Variants in GDPD1 observed in about 807,000 individuals in gnomAD.
GDPD1 encodes glycerophosphodiester phosphodiesterase domain containing 1.
GDPD1 carries 28 observed loss-of-function variants against 45.1 expected under a neutral mutation model. The observed-to-expected ratio is 0.62, with a 90% confidence interval of 0.46 to 0.85. The LOEUF is 0.85. GDPD1 is among the 40% of genes least tolerant of loss of function. The pLI is 0.00. For missense variants in GDPD1, 256 were observed against 364.8 expected (o/e 0.70, Z 2.43); for synonymous variants, 139 against 131.4 (o/e 1.06, Z -0.40).
intron 1 of GDPD1, among the ~76,000 whole-genome samples, chr17:59,225,090 C>CTTTTTTTTTTTTTTTTT (rs796851725): frequency 8.8e-6 from 1 of 113,678 alleles, no homozygotes; most frequent in African/African-American, 3.5e-5. Context: ...TCTTTCTTTT[C>CTTTTTTTTTTTTTTTTT]TTTTTTTTTT....
intron 6 of GDPD1, among the ~76,000 whole-genome samples, chr17:59,261,463 A>G (rs2047354712): frequency 6.6e-6 from 1 of 151,868 alleles, no homozygotes; most frequent in Non-Finnish European, 1.5e-5. Flanking sequence ...AAACCTATAA[A>G]TGATTTTTTT....
chr17:59,229,152 A>G, intron 1 of GDPD1, among the ~76,000 whole-genome samples: 1 of 146,020 alleles, frequency 6.8e-6, no homozygotes, highest in East Asian at 2.0e-4. Context: ...TATTATTATT[A>G]TTATTATTAT....
intron 8 of GDPD1, among the ~76,000 whole-genome samples, chr17:59,271,345 A>G (rs1568352814): frequency 6.6e-6 from 1 of 152,286 alleles, no homozygotes; most frequent in South Asian, 2.1e-4. Context: ...GCAACACAGT[A>G]TATATAAAAG....
At chr17:59,270,678 A>ATATT (rs1026094491) in intron 7 of GDPD1, among the ~76,000 whole-genome samples, 13 of 152,098 alleles carry the variant, frequency 8.5e-5, no homozygotes, top group Non-Finnish European at 1.6e-4. Context: ...TGGAAAGACA[A>ATATT]TATTTATTTA....
chr17:59,264,132 G>A (rs577444585), intron 6 of GDPD1, among the ~76,000 whole-genome samples: 29 of 152,138 alleles, frequency 1.9e-4, no homozygotes, highest in African/African-American at 7.0e-4. Flanking sequence ...CTGAGTAGCT[G>A]GGATTACAGG....
intron 4 of GDPD1, 166 bp downstream of exon 4, chr17:59,248,951 GA>G (rs1300559204): frequency 4.0e-6 from 2 of 494,218 alleles, no homozygotes; most frequent in African/African-American, 2.0e-5. Context: ...CAGGTCCAAA[GA>G]GTTAAGTGAT....
Position 59,246,566 on chromosome 17 carries a change from G to A in GDPD1, c.321+1017G>A, listed in dbSNP as rs183274533. Among the ~76,000 whole-genome samples the A allele has an allele frequency of 2.5e-3, 380 of 151,128 alleles. 3 individuals are homozygous for A. Among genetic ancestry groups the A allele is most frequent in the Non-Finnish European group, 3.6e-3 (246 of 67,674 alleles). On this transcript the variant is annotated intron_variant, in intron 3 of 9. Transcript: ENST00000284116. ...TCTACTAAAAATAGAAAAATTAGCC[G>A]GGCATGTTGGCATGCGCCTGTAATC... is the stretch of plus-strand genomic sequence containing the variant.
chr17:59,245,309 A>C (rs1854738213), intron 2 of GDPD1, 105 bp from the exon 3 acceptor site: 6 of 753,728 alleles, frequency 8.0e-6, no homozygotes, highest in South Asian at 5.3e-5. Context: ...GAGATATTTT[A>C]GTATTATGGG....
chr17:59,234,050 T>C (rs531904112), intron 1 of GDPD1, among the ~76,000 whole-genome samples: 2 of 152,218 alleles, frequency 1.3e-5, no homozygotes, highest in Admixed American at 6.5e-5. Flanking sequence ...CCAAGCATTT[T>C]GGATAAGGGA....
rs749077536 is a variant in GDPD1 at position 59,246,709 on chromosome 17, CAAA to C, written c.321+1181_321+1183del. ...GGTTGAAAAGAGCGAGACTCCATCT[CAAA>C]AAAAAAAAAAAAAAAAAAAAGAAAC... On this transcript the variant is annotated intron_variant, in intron 3 of 9. Coordinates refer to ENST00000284116, the MANE Select transcript of GDPD1 (RefSeq NM_182569.4). Among the ~76,000 whole-genome samples, 242 of 27,502 alleles carry C rather than the reference CAAA, an allele frequency of 8.8e-3. 1 individual carries two copies. Among genetic ancestry groups the C allele is most frequent in the African/African-American group, 0.036 (228 of 6,282 alleles). The allele number at this position is 27,502 out of a possible 152,430, so 18.0% of individuals were successfully genotyped here.
At chr17:59,264,188 C>T (rs1237814951) in intron 6 of GDPD1, among the ~76,000 whole-genome samples, 1 of 151,454 alleles carries the variant, frequency 6.6e-6, no homozygotes, top group Non-Finnish European at 1.5e-5. Context: ...TTAGTAGAGA[C>T]CGGGTTTCTC....
In GDPD1 at chr17:59,275,702, C is replaced by G. The variant is rs2047475693; in HGVS notation, c.*1929C>G. The G allele has an allele frequency of 6.5e-6, 1 of 152,822 alleles. No homozygotes were observed. The allele number at this position is 152,822 out of a possible 1,614,324, so 9.5% of individuals were successfully genotyped here. On this transcript the variant is annotated 3_prime_UTR_variant, in exon 10 of 10. Transcript: ENST00000284116. ...GAGTATTAAGTAGAAACAGAATTTT[C>G]CAAAGCATTAGACATCACTTTCTCA...
chr17:59,265,996 A>T (rs1173793498), intron 6 of GDPD1, among the ~76,000 whole-genome samples: 4 of 150,952 alleles, frequency 2.6e-5, no homozygotes, highest in Admixed American at 6.6e-5. Context: ...GAATATACTT[A>T]AAACCACCAA....
At chr17:59,254,576 T>G (rs1322543472) in intron 4 of GDPD1, among the ~76,000 whole-genome samples, 2 of 152,094 alleles carry the variant, frequency 1.3e-5, no homozygotes, top group Admixed American at 1.3e-4. Flanking sequence ...TAAACATAAT[T>G]TTTAGAGTTT....
In GDPD1 at chr17:59,273,920, A is replaced by C; in HGVS notation, c.*147A>C. On this transcript the variant is annotated 3_prime_UTR_variant, in exon 10 of 10. Coordinates refer to ENST00000284116, the MANE Select transcript of GDPD1 (RefSeq NM_182569.4). ...TTTTTAAGCCTGTATGAGAATGTAG[A>C]AACTATATATTATATGTATATTTAT... 1 of 930,764 alleles carries C rather than the reference A, an allele frequency of 1.1e-6. No homozygotes were observed. The highest frequency in any genetic ancestry group is 1.3e-6 in the Non-Finnish European group (1 of 743,464). 57.7% of individuals were successfully genotyped at this position (930,764 alleles called of 1,614,324 possible). A position where few individuals can be genotyped will look rare whatever the true frequency, so the allele number is the denominator to read the frequency against.
At chr17:59,235,633 G>A (rs1357733185) in intron 2 of GDPD1, among the ~76,000 whole-genome samples, 17 of 151,896 alleles carry the variant, frequency 1.1e-4, no homozygotes, top group African/African-American at 3.4e-4. Context: ...CCTGGCCAAC[G>A]TGGTGAAACC....
chr17:59,264,075 C>T (rs12952252), intron 6 of GDPD1, among the ~76,000 whole-genome samples: 13,877 of 152,066 alleles, frequency 0.091, 847 homozygotes, highest in South Asian at 0.24. Context: ...CTTGGCTCAC[C>T]GCAACCTCCG....
chr17:59,251,409 C>G (rs567244021), intron 4 of GDPD1, among the ~76,000 whole-genome samples: 7 of 152,058 alleles, frequency 4.6e-5, no homozygotes, highest in Non-Finnish European at 7.4e-5. Context: ...ATCCCAGCTA[C>G]TTGGGAGGCT....
intron 2 of GDPD1, among the ~76,000 whole-genome samples, chr17:59,237,778 A>G (rs1353104993): frequency 6.6e-6 from 1 of 151,962 alleles, no homozygotes; most frequent in Non-Finnish European, 1.5e-5. Flanking sequence ...TATTTTGAAA[A>G]TGTAGGGTCA....
Sources: gnomAD v4.1 joint callset for allele counts (sites outside exome capture counted in the v4.1 genomes callset) on GRCh38, gnomAD v4.1.1 for gene constraint, MANE v1.5 for transcripts, NCBI Gene and HGNC (gene_info 2026-07-23, HGNC 2026-07-21) for gene names.